SKAP1: variants seen among roughly 807,000 people sequenced by gnomAD.
SKAP1 encodes the protein src kinase-associated phosphoprotein 1.
In SKAP1, 44 loss-of-function variants were observed where a neutral mutation model predicts 58.5. That is an observed-to-expected ratio of 0.75 (90% CI 0.59 to 0.97). The LOEUF (loss-of-function observed/expected upper bound fraction) is 0.97. Ranked by LOEUF, SKAP1 falls within the 50% of genes least tolerant of loss-of-function variation. The pLI is 0.00. For missense variants in SKAP1, 390 were observed against 435.2 expected, an observed-to-expected ratio of 0.90 and a Z score of 0.92; for synonymous variants, 127 against 149.7, an observed-to-expected ratio of 0.85 and a Z score of 1.11.
intron 9 of SKAP1, 141 bp downstream of exon 9, chr17:48,179,913 T>C (rs560820468): frequency 1.3e-6 from 1 of 741,314 alleles, no homozygotes; most frequent in East Asian, 2.6e-5. Flanking sequence ...CCCTACAATC[T>C]CATAAAGCGT....
chr17:48,423,900 G>T (rs2067824094), intron 1 of SKAP1, among the ~76,000 whole-genome samples: 1 of 152,034 alleles, frequency 6.6e-6, no homozygotes, highest in Non-Finnish European at 1.5e-5. Flanking sequence ...GGGATTATAG[G>T]CATGAGCCAC....
At chr17:48,381,409 T>C (rs1433827878) in intron 2 of SKAP1, among the ~76,000 whole-genome samples, 1 of 152,174 alleles carries the variant, frequency 6.6e-6, no homozygotes, top group Admixed American at 6.5e-5. Context: ...TAGCACATGG[T>C]ATTTCTGCAT....
At chr17:48,388,250 A>G (rs2067303227) in intron 2 of SKAP1, among the ~76,000 whole-genome samples, 1 of 152,138 alleles carries the variant, frequency 6.6e-6, no homozygotes, top group Non-Finnish European at 1.5e-5. Context: ...CCTGGCCAAC[A>G]TGGTGAAACC....
chr17:48,162,139 G>A (rs1487200469), intron 11 of SKAP1, among the ~76,000 whole-genome samples: 1 of 152,016 alleles, frequency 6.6e-6, no homozygotes, highest in Non-Finnish European at 1.5e-5. Context: ...TTAATTTTCT[G>A]TAGTTTAGTA....
intron 4 of SKAP1, among the ~76,000 whole-genome samples, chr17:48,276,173 CCA>C (rs1432036323): frequency 6.6e-6 from 1 of 152,138 alleles, no homozygotes; most frequent in African/African-American, 2.4e-5. Flanking sequence ...ACCCCCCCAG[CCA>C]CTCTCTCTAA....
At chr17:48,416,445 G>A (rs533878698) in intron 1 of SKAP1, among the ~76,000 whole-genome samples, 4 of 152,312 alleles carry the variant, frequency 2.6e-5, no homozygotes, top group Admixed American at 2.6e-4. Flanking sequence ...GGCTCTCCTT[G>A]TACTGGTGGT....
intron 4 of SKAP1, among the ~76,000 whole-genome samples, chr17:48,205,266 C>T (rs2064795326): frequency 6.6e-6 from 1 of 151,526 alleles, no homozygotes; most frequent in African/African-American, 2.4e-5. Context: ...CATGTCACCA[C>T]GCTCAGCTAA....
At chr17:48,288,174 A>G (rs2065855954) in intron 4 of SKAP1, among the ~76,000 whole-genome samples, 1 of 152,236 alleles carries the variant, frequency 6.6e-6, no homozygotes, top group African/African-American at 2.4e-5. Flanking sequence ...ACAAGTGGTA[A>G]CATTTAATGA....
At chr17:48,269,026 T>C (rs2065592317) in intron 4 of SKAP1, among the ~76,000 whole-genome samples, 1 of 152,082 alleles carries the variant, frequency 6.6e-6, no homozygotes, top group Non-Finnish European at 1.5e-5. Context: ...AAAGAGCTCA[T>C]TTTAGATGTA....
intron 3 of SKAP1, among the ~76,000 whole-genome samples, chr17:48,359,856 C>T (rs1413242547): frequency 6.6e-6 from 1 of 152,124 alleles, no homozygotes; most frequent in Non-Finnish European, 1.5e-5. Context: ...TCTACCTGCT[C>T]AGCCTCCCAA....
intron 3 of SKAP1, among the ~76,000 whole-genome samples, chr17:48,358,692 A>G (rs1316374188): frequency 6.6e-6 from 1 of 152,208 alleles, no homozygotes; most frequent in Admixed American, 6.5e-5. Context: ...GGTTTTATAC[A>G]TGTATGTACT....
intron 1 of SKAP1, among the ~76,000 whole-genome samples, chr17:48,406,457 G>A (rs1225169509): frequency 2.0e-5 from 3 of 150,142 alleles, no homozygotes; most frequent in Non-Finnish European, 3.0e-5. Context: ...AGGCTGGAGT[G>A]CAGTGGCACA....
intron 11 of SKAP1, among the ~76,000 whole-genome samples, chr17:48,161,163 G>A (rs913012295): frequency 5.9e-5 from 9 of 152,108 alleles, no homozygotes; most frequent in African/African-American, 2.2e-4. Flanking sequence ...TGTTTCCTAA[G>A]GTGCTTATGG....
intron 1 of SKAP1, among the ~76,000 whole-genome samples, chr17:48,410,809 C>A (rs910059285): frequency 5.9e-5 from 9 of 151,598 alleles, no homozygotes; most frequent in Non-Finnish European, 1.3e-4. Flanking sequence ...CACCTGTAAT[C>A]CCAGCTACTT....
At chr17:48,262,320 G>T (rs1458042334) in intron 4 of SKAP1, among the ~76,000 whole-genome samples, 1 of 152,066 alleles carries the variant, frequency 6.6e-6, no homozygotes, top group African/African-American at 2.4e-5. Context: ...TCACCAAAAG[G>T]CATATATTAA....
chr17:48,304,736 C>T lies in SKAP1; in HGVS notation c.280+41169G>A, dbSNP rs188921286. Among the ~76,000 whole-genome samples, 145 of 152,260 alleles carry T rather than the reference C, an allele frequency of 9.5e-4. No individual in the cohort carries two copies. The Middle Eastern group carries it at 0.014, about 14-fold the overall frequency. On this transcript the variant is annotated intron_variant, in intron 4 of 12. Coordinates refer to ENST00000336915, the MANE Select transcript of SKAP1 (RefSeq NM_003726.4). ...GACAAGCTATGGGAAGTCTTGTTTT[C>T]CAAGGCAGGTTTCAATTCTTTAGTT...
rs556695228 is a variant in SKAP1 at position 48,249,572 on chromosome 17, G to C, written c.281-60072C>G. On this transcript the variant is annotated intron_variant, in intron 4 of 12. Coordinates refer to ENST00000336915, the MANE Select transcript of SKAP1 (RefSeq NM_003726.4). ...GCCTGTAGTCCTAGCTACTCGGGAG[G>C]CTGCGACAGGAGAATCATCTGAACC... Among the ~76,000 whole-genome samples the C allele has an allele frequency of 2.8e-3, 430 of 151,954 alleles. 2 individuals are homozygous for C. The highest frequency in any genetic ancestry group is 9.8e-3 in the African/African-American group (407 of 41,416).
At chr17:48,169,654 C>T (rs2064184298) in intron 10 of SKAP1, among the ~76,000 whole-genome samples, 1 of 152,132 alleles carries the variant, frequency 6.6e-6, no homozygotes, top group African/African-American at 2.4e-5. Flanking sequence ...AAGTTGGGTC[C>T]TGAACCTTTT....
chr17:48,277,213 G>C (rs1319595286), intron 4 of SKAP1, among the ~76,000 whole-genome samples: 3 of 152,080 alleles, frequency 2.0e-5, no homozygotes, highest in African/African-American at 4.8e-5. Context: ...CAATCTGAAG[G>C]CTCTATTTGT....
Sources: allele counts gnomAD v4.1 joint callset (sites outside exome capture counted in the v4.1 genomes callset), GRCh38; gene constraint gnomAD v4.1.1; transcripts MANE v1.5; gene names NCBI Gene and HGNC (gene_info 2026-07-23, HGNC 2026-07-21).